NAV2: variants seen among roughly 807,000 people sequenced by gnomAD.
NAV2 encodes helicase, APC down-regulated 1.
NAV2 carries 54 observed loss-of-function variants against 223.2 expected under a neutral mutation model. The observed-to-expected ratio is 0.24, with a 90% CI of 0.19 to 0.30. NAV2 has a LOEUF of 0.30. Among genes scored for constraint, NAV2 ranks in the 10% least tolerant of loss-of-function variants. NAV2 has a pLI of 1.00. For synonymous variants in NAV2, 1,279 were observed against 1,239.3 expected, an observed-to-expected ratio of 1.03 and a Z score of -0.67; for missense variants, 2,806 against 3,147.5, an observed-to-expected ratio of 0.89 and a Z score of 2.60.
Position 19,754,991 on chromosome 11 carries a change from G to A in NAV2, c.267+41029G>A, listed in dbSNP as rs145021181. 5.9e-5 allele frequency among the ~76,000 whole-genome samples: 9 copies of A among 152,074 alleles called. No individual in the cohort carries two copies. In the South Asian group the frequency reaches 8.3e-4, roughly 14 times the overall value. On this transcript the variant is annotated intron_variant, in intron 1 of 37. Transcript: ENST00000349880. ...CCTTTGTTAGCCAACTCTTGCCACC[G>A]TCACCCACAACTTGCAAACTACAGA... is the stretch of plus-strand genomic sequence containing the variant.
chr11:19,645,844 A>G (rs979584177), intron 1 of NAV2, among the ~76,000 whole-genome samples: 4 of 152,174 alleles, frequency 2.6e-5, no homozygotes, highest in African/African-American at 7.2e-5. Context: ...GGTGGAAACT[A>G]GTATTTTACA....
intron 1 of NAV2, among the ~76,000 whole-genome samples, chr11:19,668,166 G>T (rs117873199): frequency 2.8e-4 from 42 of 152,292 alleles, no homozygotes; most frequent in Non-Finnish European, 5.4e-4. Context: ...TGTTACAAAA[G>T]AGAACATTTT....
intron 22 of NAV2, among the ~76,000 whole-genome samples, chr11:20,071,880 T>G (rs1350731413): frequency 6.6e-6 from 1 of 152,122 alleles, no homozygotes; most frequent in Non-Finnish European, 1.5e-5. Flanking sequence ...AAAATTTTCT[T>G]CAATGTTGTA....
intron 11 of NAV2, among the ~76,000 whole-genome samples, chr11:20,026,670 T>A (rs2055114841): frequency 6.6e-6 from 1 of 152,178 alleles, no homozygotes; most frequent in Admixed American, 6.5e-5. Context: ...AACTTTGAAG[T>A]CCTTCAAAGT....
chr11:19,881,245 A>G (rs1334409997), intron 5 of NAV2, among the ~76,000 whole-genome samples: 1 of 152,180 alleles, frequency 6.6e-6, no homozygotes, highest in Non-Finnish European at 1.5e-5. Flanking sequence ...ATCAGGTCCC[A>G]TAATTAATTA....
chr11:19,422,777 CTCTT>C (rs1245073904), intron 1 of NAV2, among the ~76,000 whole-genome samples: 3 of 152,218 alleles, frequency 2.0e-5, no homozygotes, highest in Non-Finnish European at 2.9e-5. Context: ...CTCTCCATCA[CTCTT>C]TCTTCCTATG....
At chr11:19,834,648 T>A (rs1430948468) in intron 2 of NAV2, among the ~76,000 whole-genome samples, 1 of 151,974 alleles carries the variant, frequency 6.6e-6, no homozygotes, top group East Asian at 1.9e-4. Context: ...ACATTATGCA[T>A]GTGGGCCTAC....
At chr11:19,398,220 G>A (rs1358268996) in intron 1 of NAV2, among the ~76,000 whole-genome samples, 1 of 152,124 alleles carries the variant, frequency 6.6e-6, no homozygotes, top group Non-Finnish European at 1.5e-5. Context: ...GAGCCTGAAT[G>A]TCACATGGGG....
At position 20,085,401 on chromosome 11, in the gene NAV2, C is replaced by G. The variant is rs2060374917; in HGVS notation, c.5498+2222C>G. On this transcript the variant is annotated intron_variant, in intron 26 of 37. Transcript: ENST00000349880. ...GGAGATGAATGTTAAACAAATAAATCCTGAATAAACTAGGAAAATTAGAGA... is the reference window on the plus strand; with the variant it reads ...GGAGATGAATGTTAAACAAATAAATGCTGAATAAACTAGGAAAATTAGAGA... 2.6e-5 allele frequency among the ~76,000 whole-genome samples: 4 copies of G among 152,126 alleles called. No individual in the cohort carries two copies. The South Asian group carries it at 8.3e-4, about 32-fold the overall frequency.
chr11:20,099,574 G>C (rs2061492986), intron 31 of NAV2, among the ~76,000 whole-genome samples: 1 of 152,140 alleles, frequency 6.6e-6, no homozygotes, highest in African/African-American at 2.4e-5. Context: ...TTATTTTTCA[G>C]TGACACCTGA....
chr11:19,772,814 ACCG>A (rs2055825509), intron 1 of NAV2, among the ~76,000 whole-genome samples: 1 of 152,126 alleles, frequency 6.6e-6, no homozygotes, highest in Non-Finnish European at 1.5e-5. Flanking sequence ...GCCGGCCCCC[ACCG>A]TGTCTGAGCT....
At chr11:19,914,381 G>T (rs943552020) in intron 6 of NAV2, among the ~76,000 whole-genome samples, 1 of 152,148 alleles carries the variant, frequency 6.6e-6, no homozygotes, top group African/African-American at 2.4e-5. Flanking sequence ...CATTCTCTGT[G>T]TAATATCCCT....
chr11:20,003,033 G>A (rs1260520862), intron 11 of NAV2, among the ~76,000 whole-genome samples: 1 of 152,212 alleles, frequency 6.6e-6, no homozygotes, highest in Non-Finnish European at 1.5e-5. Flanking sequence ...CACCAACTGG[G>A]AGGAAGCGAG....
rs137901099 is a variant in NAV2, at chr11:19,700,161, T to G, written c.76-132323T>G. On this transcript the variant is annotated intron_variant, in intron 1 of 37. Coordinates refer to the NAV2 transcript ENST00000360655. ...AATCATAATAATAGTGGTGGCCATG[T>G]GTTAGTCACTGGTTTAGTGTTTTAC... is the stretch of plus-strand genomic sequence containing the variant. 8.0e-3 allele frequency among the ~76,000 whole-genome samples: 1,218 copies of G among 152,316 alleles called. 4 individuals are homozygous for G. Among genetic ancestry groups the G allele is most frequent in the Middle Eastern group, 0.02 (6 of 294 alleles).
chr11:19,739,586 T>C (rs2052618524), intron 1 of NAV2, among the ~76,000 whole-genome samples: 2 of 152,196 alleles, frequency 1.3e-5, no homozygotes, highest in South Asian at 4.1e-4. Flanking sequence ...CATTTGCTTA[T>C]CTGGCACATT....
At chr11:20,065,495 C>A (rs2058985969) in intron 20 of NAV2, among the ~76,000 whole-genome samples, 1 of 152,190 alleles carries the variant, frequency 6.6e-6, no homozygotes, top group South Asian at 2.1e-4. Context: ...TCTCAAAGGC[C>A]ACTTCTGGCA....
At chr11:20,015,637 T>C (rs763510618) in intron 11 of NAV2, among the ~76,000 whole-genome samples, 5 of 152,128 alleles carry the variant, frequency 3.3e-5, no homozygotes, top group Admixed American at 2.0e-4. Context: ...AATTATAAGC[T>C]CCACGAGGGG....
In NAV2 at chr11:19,554,600, C is replaced by T. The variant is rs528887938; in HGVS notation, c.75+203573C>T. ...GCTTTGTGACTTTCAGGCCACTTGT[C>T]CTCCAGGGTTCTGTTTCTCGTCTAT... On this transcript the variant is annotated intron_variant, in intron 1 of 37. Transcript: ENST00000360655. 3.3e-5 allele frequency among the ~76,000 whole-genome samples: 5 copies of T among 152,278 alleles called. No homozygotes were observed. The South Asian group carries it at 1.0e-3, about 32-fold the overall frequency.
intron 1 of NAV2, among the ~76,000 whole-genome samples, chr11:19,590,335 T>C (rs913604612): frequency 6.6e-6 from 1 of 152,126 alleles, no homozygotes; most frequent in Non-Finnish European, 1.5e-5. Flanking sequence ...GATTTGGAAC[T>C]TCAGTGGGTG....
Sources: gnomAD v4.1 joint callset for allele counts (sites outside exome capture counted in the v4.1 genomes callset) on GRCh38, gnomAD v4.1.1 for gene constraint, MANE v1.5 for transcripts, NCBI Gene and HGNC (gene_info 2026-07-23, HGNC 2026-07-21) for gene names.